IL13RA1: variants seen among roughly 807,000 people sequenced by gnomAD.
IL13RA1 encodes interleukin-13 receptor subunit alpha-1.
In IL13RA1, 14 loss-of-function variants were observed where a neutral mutation model predicts 33.8. That is an observed-to-expected ratio of 0.41 (90% CI 0.27 to 0.65). IL13RA1 has a LOEUF of 0.65. Ranked by LOEUF, IL13RA1 falls within the 30% of genes least tolerant of loss-of-function variation. The pLI is 0.28. For missense variants in IL13RA1, 313 were observed against 327.0 expected (o/e 0.96, Z 0.33); for synonymous variants, 116 against 115.7 (o/e 1.00, Z -0.02).
At chrX:118,775,501 C>T (rs929776102) in intron 9 of IL13RA1, among the ~76,000 whole-genome samples, 6 of 111,492 alleles carry the variant, frequency 5.4e-5, no homozygotes, top group Admixed American at 4.8e-4. Context: ...TGGAGTAGTT[C>T]GGAGGCATTG....
chrX:118,731,469 C>G (rs767716875), intron 1 of IL13RA1, among the ~76,000 whole-genome samples: 36 of 109,288 alleles, frequency 3.3e-4, no homozygotes, highest in African/African-American at 1.2e-3. Flanking sequence ...CCCAACTACT[C>G]GGAAGGCTGA....
intron 8 of IL13RA1, chrX:118,770,282 C>T (rs748353467): frequency 5.3e-5 from 18 of 340,061 alleles, no homozygotes; most frequent in South Asian, 3.7e-4. Context: ...CACCAACAGC[C>T]TCTTCAACGA....
chrX:118,728,381 C>T (rs1157843914), intron 1 of IL13RA1, among the ~76,000 whole-genome samples: 1 of 112,250 alleles, frequency 8.9e-6, no homozygotes, highest in Non-Finnish European at 1.9e-5. Context: ...CCCCCCACCC[C>T]ACTCTCTTTA....
chrX:118,736,604 A>G (rs780779547), intron 1 of IL13RA1, among the ~76,000 whole-genome samples: 1 of 110,614 alleles, frequency 9.0e-6, no homozygotes, highest in African/African-American at 3.3e-5. Flanking sequence ...GTTTTGTTTC[A>G]TTTTGTTTTG....
intron 10 of IL13RA1, among the ~76,000 whole-genome samples, chrX:118,788,012 G>A (rs1054967188): frequency 1.7e-4 from 19 of 111,939 alleles, no homozygotes; most frequent in African/African-American, 5.5e-4. Context: ...GGCATAGGAA[G>A]TTATAAGAGT....
chrX:118,754,585 C>T (rs1389725728), intron 4 of IL13RA1, among the ~76,000 whole-genome samples: 1 of 109,208 alleles, frequency 9.2e-6, no homozygotes, highest in African/African-American at 3.3e-5. Flanking sequence ...TGCAGTGAGC[C>T]GAGATCCCAC....
intron 1 of IL13RA1, among the ~76,000 whole-genome samples, chrX:118,735,436 T>C (rs1386519085): frequency 3.6e-5 from 4 of 112,347 alleles, no homozygotes; most frequent in Non-Finnish European, 7.5e-5. Flanking sequence ...TTTCTTAATA[T>C]GTGTTTATAG....
At chrX:118,751,189 C>T (rs961842754) in intron 4 of IL13RA1, among the ~76,000 whole-genome samples, 1 of 112,195 alleles carries the variant, frequency 8.9e-6, no homozygotes, top group African/African-American at 3.2e-5. Context: ...GTGACTATAT[C>T]TACTACAAAG....
intron 10 of IL13RA1, among the ~76,000 whole-genome samples, chrX:118,779,387 T>G (rs912314995): frequency 1.1e-4 from 12 of 111,941 alleles, no homozygotes; most frequent in Non-Finnish European, 2.1e-4. Flanking sequence ...TAAAAAAATA[T>G]GTTAGGTTTT....
intron 10 of IL13RA1, among the ~76,000 whole-genome samples, chrX:118,778,177 A>G (rs187147121): frequency 8.9e-6 from 1 of 112,353 alleles, no homozygotes; most frequent in Non-Finnish European, 1.9e-5. Context: ...TAGTATTACT[A>G]TTGATAATAA....
intron 8 of IL13RA1, chrX:118,770,120 T>C (rs2017696111): frequency 7.5e-6 from 2 of 266,801 alleles, no homozygotes; most frequent in South Asian, 6.9e-5. Context: ...TGTGTACCCC[T>C]ACTACGTGCT....
rs1238193028 is a variant in IL13RA1, at chrX:118,749,776, T to C, written c.486T>C (p.Tyr162=). The part of the protein sequence containing the change: ...TSPDTNYTLY[Y]WHRSLEKIHQ... ...CCGACACTAACTATACTCTCTACTA[T>C]TGGTGAGTATGTACAGTACAATTAC... The change falls in exon 4 of 11, where the codon TAT becomes TAC. Residue 162 remains tyrosine (Y), a splice_region_variant and synonymous_variant. Transcript: ENST00000371666. 8.7e-7 allele frequency: 1 copy of C among 1,152,033 alleles called. No individual in the cohort carries two copies. The highest frequency in any genetic ancestry group is 1.8e-5 in the South Asian group (1 of 55,585). The allele number at this position is 1,152,033 out of a possible 1,213,427, so 94.9% of individuals were successfully genotyped here.
chrX:118,740,108 C>T (rs2017325819), intron 1 of IL13RA1, among the ~76,000 whole-genome samples: 2 of 111,945 alleles, frequency 1.8e-5, no homozygotes, highest in Non-Finnish European at 3.8e-5. Flanking sequence ...GGACTATAGG[C>T]ATGTACCAGC....
chrX:118,770,222 A>C (rs2248849), intron 8 of IL13RA1: 1 of 300,014 alleles, frequency 3.3e-6, no homozygotes, highest in Non-Finnish European at 6.5e-6. Context: ...CATCCAGTCA[A>C]TGAGTGCACC....
intron 6 of IL13RA1, 51 bp from the exon 7 acceptor site, chrX:118,766,479 T>G (rs1298736823): frequency 1.6e-6 from 1 of 626,982 alleles, no homozygotes; most frequent in Non-Finnish European, 2.6e-6. Flanking sequence ...AGAAAATGGG[T>G]TTTTAAACAT....
chrX:118,745,354 C>A (rs1203304485), intron 2 of IL13RA1, among the ~76,000 whole-genome samples: 1 of 111,890 alleles, frequency 8.9e-6, no homozygotes, highest in African/African-American at 3.3e-5. Context: ...CAGAAAAATT[C>A]AATGCCCACA....
At chrX:118,801,702 G>A in the IL13RA1 span, among the ~76,000 whole-genome samples, 1 of 112,396 alleles carries the variant, frequency 8.9e-6, no homozygotes, top group Admixed American at 9.4e-5. Flanking sequence ...GCTTAGCACA[G>A]TGAACTTTAA....
intron 10 of IL13RA1, among the ~76,000 whole-genome samples, chrX:118,776,793 A>G (rs1326757301): frequency 9.4e-6 from 1 of 106,637 alleles, no homozygotes; most frequent in Admixed American, 1.0e-4. Context: ...GCGAGATCTC[A>G]TTTCCACAAA....
chrX:118,765,942 T>C (rs2017643487), intron 6 of IL13RA1, among the ~76,000 whole-genome samples: 3 of 112,338 alleles, frequency 2.7e-5, no homozygotes, highest in Non-Finnish European at 3.8e-5. Context: ...TGTTCAAGTC[T>C]TTTGCCAGTT....
Sources: allele counts gnomAD v4.1 joint callset (sites outside exome capture counted in the v4.1 genomes callset), GRCh38; gene constraint gnomAD v4.1.1; transcripts MANE v1.5; gene names NCBI Gene and HGNC (gene_info 2026-07-23, HGNC 2026-07-21).